ATF6: variants seen among roughly 807,000 people sequenced by gnomAD.
ATF6 encodes the protein cyclic AMP-dependent transcription factor ATF-6 alpha.
Under a neutral mutation model 83.6 loss-of-function variants are expected in ATF6, and 53 were observed. The observed-to-expected ratio is 0.63, with a 90% CI of 0.51 to 0.80. The LOEUF is 0.80. Ranked by LOEUF, ATF6 falls within the 30% of genes least tolerant of loss-of-function variation. The pLI is 0.00. For synonymous variants in ATF6, 288 were observed against 285.8 expected (o/e 1.01, Z -0.08); for missense variants, 744 against 797.9 (o/e 0.93, Z 0.81).
At chr1:161,930,806 G>T (rs184793858) in intron 15 of ATF6, among the ~76,000 whole-genome samples, 25 of 152,026 alleles carry the variant, frequency 1.6e-4, no homozygotes, top group African/African-American at 5.8e-4. Flanking sequence ...TAACACAAGA[G>T]AATTTATTTC....
At chr1:161,845,756 A>G (rs1422880476) in intron 9 of ATF6, among the ~76,000 whole-genome samples, 1 of 148,570 alleles carries the variant, frequency 6.7e-6, no homozygotes, top group Non-Finnish European at 1.5e-5. Flanking sequence ...AGCCTGGGTG[A>G]CAGAGTGAGA....
At chr1:161,802,997 A>G (rs566323086) in intron 7 of ATF6, among the ~76,000 whole-genome samples, 3 of 152,252 alleles carry the variant, frequency 2.0e-5, no homozygotes, top group Non-Finnish European at 4.4e-5. Flanking sequence ...TTAAAGCTAT[A>G]TAGTCAAACA....
In ATF6 at chr1:161,848,900, C is replaced by G. The variant is rs1051844823; in HGVS notation, c.1319+2320C>G. Among the ~76,000 whole-genome samples, 9 of 151,942 alleles carry G rather than the reference C, an allele frequency of 5.9e-5. No individual in the cohort carries two copies. In the East Asian group the frequency reaches 1.7e-3, roughly 29 times the overall value. On this transcript the variant is annotated intron_variant, in intron 10 of 15. Transcript: ENST00000367942. ...GATTTTCTCTCTCCTTTAACTCCAC[C>G]CAATCCTTGTCCTGGTATTTCTCCT... is the stretch of plus-strand genomic sequence containing the variant.
intron 15 of ATF6, among the ~76,000 whole-genome samples, chr1:161,944,463 C>G (rs1688708644): frequency 1.3e-5 from 2 of 152,148 alleles, no homozygotes; most frequent in African/African-American, 4.8e-5. Context: ...GCCTGGTTTT[C>G]TTTGTAATTT....
At chr1:161,816,778 TC>T (rs1262549317) in intron 7 of ATF6, among the ~76,000 whole-genome samples, 2 of 152,180 alleles carry the variant, frequency 1.3e-5, no homozygotes, top group Non-Finnish European at 2.9e-5. Flanking sequence ...ATCCTTTTTT[TC>T]TTATATAGGA....
intron 7 of ATF6, among the ~76,000 whole-genome samples, chr1:161,802,497 G>A (rs1685179372): frequency 6.6e-6 from 1 of 152,104 alleles, no homozygotes; most frequent in Non-Finnish European, 1.5e-5. Context: ...GTGGTTTGAT[G>A]AAAAGCAAAG....
chr1:161,792,455 T>C, intron 6 of ATF6, 128 bp downstream of exon 6: 1 of 908,848 alleles, frequency 1.1e-6, no homozygotes, highest in South Asian at 1.6e-5. Context: ...TCTTTGGTTA[T>C]GAGGACGTTG....
At chr1:161,921,030 C>CA (rs1688204477) in intron 15 of ATF6, among the ~76,000 whole-genome samples, 2 of 152,128 alleles carry the variant, frequency 1.3e-5, no homozygotes, top group South Asian at 4.2e-4. Flanking sequence ...CGTGCCTGGC[C>CA]ATCCGTTGTT....
At chr1:161,863,554 T>G (rs974898223) in intron 14 of ATF6, among the ~76,000 whole-genome samples, 5 of 152,244 alleles carry the variant, frequency 3.3e-5, no homozygotes, top group Non-Finnish European at 7.3e-5. Flanking sequence ...TATAAACTAC[T>G]TGTTGATTTT....
At chr1:161,863,913 A>T (rs1322292347) in intron 14 of ATF6, among the ~76,000 whole-genome samples, 2 of 152,238 alleles carry the variant, frequency 1.3e-5, no homozygotes, top group Non-Finnish European at 2.9e-5. Flanking sequence ...AAAAATGCAT[A>T]GCTGTTTATA....
chr1:161,937,742 G>A (rs1688567150), intron 15 of ATF6, among the ~76,000 whole-genome samples: 1 of 151,888 alleles, frequency 6.6e-6, no homozygotes, highest in Non-Finnish European at 1.5e-5. Flanking sequence ...GCCTTTCGGG[G>A]GGTGGGGGAC....
At chr1:161,945,076 GCTC>G (rs1688724077) in intron 15 of ATF6, among the ~76,000 whole-genome samples, 1 of 152,184 alleles carries the variant, frequency 6.6e-6, no homozygotes, top group Non-Finnish European at 1.5e-5. Context: ...ACCGTCCTAA[GCTC>G]CTTTACACAT....
At chr1:161,884,129 AG>A (rs1687372382) in intron 14 of ATF6, among the ~76,000 whole-genome samples, 1 of 152,088 alleles carries the variant, frequency 6.6e-6, no homozygotes, top group African/African-American at 2.4e-5. Flanking sequence ...GGGAGAATAT[AG>A]TGTCTCCTTA....
chr1:161,786,359 A>T (rs753330725), intron 4 of ATF6, among the ~76,000 whole-genome samples: 1 of 152,026 alleles, frequency 6.6e-6, no homozygotes, highest in Non-Finnish European at 1.5e-5. Flanking sequence ...TATTAGGATT[A>T]TTAGTCCTTA....
chr1:161,932,640 A>T (rs1688456601), intron 15 of ATF6, among the ~76,000 whole-genome samples: 1 of 152,228 alleles, frequency 6.6e-6, no homozygotes, highest in Admixed American at 6.5e-5. Flanking sequence ...ATTTCTGTGT[A>T]ACAAATTACC....
intron 14 of ATF6, among the ~76,000 whole-genome samples, chr1:161,905,141 C>CT (rs2101882751): frequency 1.3e-5 from 2 of 152,176 alleles, no homozygotes; most frequent in South Asian, 2.1e-4. Flanking sequence ...CATGAAACCC[C>CT]TTTTTTTCTC....
chr1:161,796,878 A>G (rs945392688), intron 6 of ATF6, among the ~76,000 whole-genome samples: 3 of 149,546 alleles, frequency 2.0e-5, no homozygotes, highest in African/African-American at 7.4e-5. Context: ...CTTTTGCCTG[A>G]TTGCTCTGGC....
Position 161,806,839 on chromosome 1 carries a change from C to G in ATF6, c.909+4567C>G, listed in dbSNP as rs866530519. Among the ~76,000 whole-genome samples the G allele has an allele frequency of 4.6e-5, 7 of 152,212 alleles. No individual in the cohort carries two copies. In the South Asian group the frequency reaches 6.2e-4, roughly 14 times the overall value. ...TGCGAAGGGGATTCTCCTGTCATACCAAATTAGAACTTTGTATTTCCTTTC... is the reference window on the plus strand; with the variant it reads ...TGCGAAGGGGATTCTCCTGTCATACGAAATTAGAACTTTGTATTTCCTTTC... On this transcript the variant is annotated intron_variant, in intron 7 of 15. Transcript: ENST00000367942.
intron 9 of ATF6, among the ~76,000 whole-genome samples, chr1:161,825,447 C>A (rs1031610704): frequency 1.3e-5 from 2 of 152,208 alleles, no homozygotes; most frequent in Non-Finnish European, 2.9e-5. Context: ...TTGCAAGTCC[C>A]AGGTTGTGAC....
Sources: gnomAD v4.1 joint callset for allele counts (sites outside exome capture counted in the v4.1 genomes callset) on GRCh38, gnomAD v4.1.1 for gene constraint, MANE v1.5 for transcripts, NCBI Gene and HGNC (gene_info 2026-07-23, HGNC 2026-07-21) for gene names.